TRMT11: variants seen among roughly 807,000 people sequenced by gnomAD.
TRMT11 encodes tRNA (guanine(10)-N(2))-methyltransferase TRMT11.
Under a neutral mutation model 62.8 loss-of-function variants are expected in TRMT11, and 53 were observed. That is an observed-to-expected ratio of 0.84 (90% CI 0.68 to 1.06). TRMT11 has a LOEUF of 1.06. Ranked by LOEUF, TRMT11 falls within the 50% of genes least tolerant of loss-of-function variation. The pLI is 0.00. For missense variants in TRMT11, 556 were observed against 553.4 expected (o/e 1.00, Z -0.05); for synonymous variants, 188 against 190.3 (o/e 0.99, Z 0.10).
chr6:126,025,700 C>T (rs1352922089), intron 12 of TRMT11, among the ~76,000 whole-genome samples: 5 of 152,174 alleles, frequency 3.3e-5, no homozygotes, highest in Admixed American at 6.5e-5. Context: ...AGTCCTCACA[C>T]ACCTCTAACA....
At chr6:126,002,858 T>C (rs1437736704) in intron 7 of TRMT11, among the ~76,000 whole-genome samples, 2 of 152,126 alleles carry the variant, frequency 1.3e-5, no homozygotes, top group African/African-American at 4.8e-5. Context: ...TTCTGATTCA[T>C]AATGGAATAT....
At chr6:126,103,497 C>T (rs921762271) in intron 17 of TRMT11, among the ~76,000 whole-genome samples, 6 of 152,172 alleles carry the variant, frequency 3.9e-5, no homozygotes, top group Admixed American at 3.9e-4. Flanking sequence ...CTTAACTGGT[C>T]CTCTTCAAAG....
At chr6:126,046,094 G>A (rs866584782) in intron 16 of TRMT11, among the ~76,000 whole-genome samples, 3 of 152,104 alleles carry the variant, frequency 2.0e-5, no homozygotes, top group Non-Finnish European at 2.9e-5. Context: ...CTGACCCAGA[G>A]AATTCTAGAT....
chr6:126,239,180 T>G, the TRMT11 span, among the ~76,000 whole-genome samples: 1 of 152,344 alleles, frequency 6.6e-6, no homozygotes, highest in Non-Finnish European at 1.5e-5. Flanking sequence ...GTCTGTGTCT[T>G]TTAATTGGAG....
In TRMT11 at chr6:126,048,418, A is replaced by G. The variant is rs1174285157; in HGVS notation, c.*1370-4705A>G. Among the ~76,000 whole-genome samples the G allele has an allele frequency of 2.0e-5, 3 of 152,200 alleles. No individual in the cohort carries two copies. In the East Asian group the frequency reaches 5.8e-4, roughly 29 times the overall value. Reference sequence around the variant, plus strand: ...CTAAAGACCTGTGGTTTGATCCACCACTTGGAAAAGTAGAGATTTGCAGAT... The same window carrying G: ...CTAAAGACCTGTGGTTTGATCCACCGCTTGGAAAAGTAGAGATTTGCAGAT... On this transcript the variant is annotated intron_variant and NMD_transcript_variant, in intron 16 of 22. Transcript: ENST00000648977.
intron 16 of TRMT11, among the ~76,000 whole-genome samples, chr6:126,047,786 A>T (rs550415701): frequency 1.2e-4 from 18 of 152,168 alleles, no homozygotes; most frequent in African/African-American, 4.1e-4. Flanking sequence ...GTTTGAGCAC[A>T]CCCCTGTCAC....
the TRMT11 span, among the ~76,000 whole-genome samples, chr6:126,253,952 C>G: frequency 6.6e-6 from 1 of 152,136 alleles, no homozygotes; most frequent in Non-Finnish European, 1.5e-5. Context: ...TTCTACAGAC[C>G]CAGAGATTAA....
chr6:126,062,360 T>C (rs1379235588), intron 17 of TRMT11, among the ~76,000 whole-genome samples: 1 of 152,260 alleles, frequency 6.6e-6, no homozygotes, highest in African/African-American at 2.4e-5. Flanking sequence ...CTTTACACTT[T>C]GTTATTGTTC....
intron 17 of TRMT11, among the ~76,000 whole-genome samples, chr6:126,059,525 T>TA (rs1358579501): frequency 1.3e-5 from 2 of 152,226 alleles, no homozygotes; most frequent in African/African-American, 4.8e-5. Flanking sequence ...CTGCAGTACT[T>TA]ATATTAATCA....
intron 1 of TRMT11, 44 bp from the exon 2 acceptor site, chr6:125,993,713 C>T (rs752447655): frequency 1.2e-5 from 16 of 1,335,562 alleles, no homozygotes; most frequent in Non-Finnish European, 1.5e-5. Flanking sequence ...ATTTTTAGTT[C>T]CTTTTTGTTA....
intron 17 of TRMT11, among the ~76,000 whole-genome samples, chr6:126,071,208 GC>G (rs1279920272): frequency 6.6e-6 from 1 of 152,042 alleles, no homozygotes; most frequent in Admixed American, 6.5e-5. Flanking sequence ...ACTGTATGCA[GC>G]CCTGTTTCCT....
chr6:126,171,965 C>T (rs1183466902), intron 21 of TRMT11, among the ~76,000 whole-genome samples: 1 of 152,032 alleles, frequency 6.6e-6, no homozygotes, highest in Non-Finnish European at 1.5e-5. Flanking sequence ...GTGATCCACC[C>T]GCCTCAGCCT....
intron 17 of TRMT11, among the ~76,000 whole-genome samples, chr6:126,110,594 T>C (rs966631860): frequency 6.6e-6 from 1 of 152,140 alleles, no homozygotes; most frequent in Non-Finnish European, 1.5e-5. Context: ...ACCATAGCAA[T>C]AGCAATGAGG....
chr6:125,990,080 T>C (rs930837213), intron 1 of TRMT11, among the ~76,000 whole-genome samples: 6 of 152,212 alleles, frequency 3.9e-5, no homozygotes, highest in African/African-American at 1.4e-4. Context: ...TTCTTATTTT[T>C]TTCTTGAATC....
intron 17 of TRMT11, among the ~76,000 whole-genome samples, chr6:126,064,063 T>C (rs1218514728): frequency 3.3e-5 from 5 of 152,048 alleles, no homozygotes. Context: ...AGTCAGTGGA[T>C]TAGAAGGAGC....
At chr6:126,160,695 C>T (rs1489630859) in intron 21 of TRMT11, among the ~76,000 whole-genome samples, 1 of 152,162 alleles carries the variant, frequency 6.6e-6, no homozygotes, top group Admixed American at 6.6e-5. Context: ...GCTTACCACC[C>T]TCACAGACAT....
chr6:126,193,333 G>C (rs1396998025), intron 1 of TRMT11, among the ~76,000 whole-genome samples: 1 of 151,176 alleles, frequency 6.6e-6, no homozygotes, highest in Non-Finnish European at 1.5e-5. Context: ...CTAACTAAAG[G>C]TTTATTATTT....
chr6:125,997,128 T>C (rs1311305745), intron 3 of TRMT11, among the ~76,000 whole-genome samples: 2 of 152,244 alleles, frequency 1.3e-5, no homozygotes, highest in Non-Finnish European at 2.9e-5. Context: ...TATAATATAA[T>C]TTTTAATTGC....
chr6:126,014,612 G>A (rs2128836150), intron 11 of TRMT11, among the ~76,000 whole-genome samples: 1 of 152,282 alleles, frequency 6.6e-6, no homozygotes, highest in East Asian at 1.9e-4. Context: ...AAGATTGGTA[G>A]TCCCTCAGGC....
Sources: allele counts gnomAD v4.1 joint callset (sites outside exome capture counted in the v4.1 genomes callset), GRCh38; gene constraint gnomAD v4.1.1; transcripts MANE v1.5; gene names NCBI Gene and HGNC (gene_info 2026-07-23, HGNC 2026-07-21).